Variants in UBE4B observed in about 807,000 individuals in gnomAD.
UBE4B encodes ubiquitin conjugation factor E4 B.
In UBE4B, 27 loss-of-function variants were observed where a neutral mutation model predicts 148.1. The ratio of observed to expected loss-of-function variants is 0.18; its 90% CI spans 0.13 to 0.25. The LOEUF (loss-of-function observed/expected upper bound fraction) is 0.25, where lower values mean the gene tolerates loss of function less well. UBE4B is among the 10% of genes least tolerant of loss of function. The pLI, the probability that UBE4B is intolerant of heterozygous loss-of-function variation, is 1.00. For missense variants in UBE4B, 1,170 were observed against 1,662.4 expected, an observed-to-expected ratio of 0.70 and a Z score of 5.15; for synonymous variants, 596 against 619.3, an observed-to-expected ratio of 0.96 and a Z score of 0.56.
intron 17 of UBE4B, 130 bp from the exon 18 acceptor site, chr1:10,144,810 A>C: frequency 1.7e-6 from 1 of 591,156 alleles, no homozygotes; most frequent in Non-Finnish European, 3.0e-6. Flanking sequence ...TGTAAGATAT[A>C]CTCTGATTTT....
intron 15 of UBE4B, 66 bp from the exon 16 acceptor site, chr1:10,134,922 G>A: frequency 7.1e-7 from 1 of 1,402,362 alleles, no homozygotes; most frequent in Admixed American, 1.9e-5. Context: ...GCAACAGAGT[G>A]AGACCCCATC....
intron 1 of UBE4B, among the ~76,000 whole-genome samples, chr1:10,057,934 A>G (rs1306177396): frequency 6.6e-6 from 1 of 152,082 alleles, no homozygotes; most frequent in Non-Finnish European, 1.5e-5. Flanking sequence ...GTATGTAGGT[A>G]AAGAGAGGAG....
chr1:10,085,930 C>T (rs904683490), intron 2 of UBE4B, among the ~76,000 whole-genome samples: 11 of 152,126 alleles, frequency 7.2e-5, no homozygotes, highest in Admixed American at 3.3e-4. Flanking sequence ...GCTGGGATTA[C>T]AGGCACCCAC....
At chr1:10,157,126 T>A (rs1356160392) in intron 21 of UBE4B, among the ~76,000 whole-genome samples, 1 of 152,198 alleles carries the variant, frequency 6.6e-6, no homozygotes, top group East Asian at 1.9e-4. Context: ...GCAATTCTCC[T>A]GCTTCAGCCT....
intron 1 of UBE4B, among the ~76,000 whole-genome samples, chr1:10,036,439 G>C (rs1342629929): frequency 6.6e-6 from 1 of 151,788 alleles, no homozygotes; most frequent in African/African-American, 2.4e-5. Context: ...TTCAATAACT[G>C]TTAATTTTAC....
intron 12 of UBE4B, among the ~76,000 whole-genome samples, chr1:10,130,255 A>T (rs1427892643): frequency 6.6e-6 from 1 of 151,814 alleles, no homozygotes; most frequent in Non-Finnish European, 1.5e-5. Flanking sequence ...TTGTATTTTT[A>T]GTAGAGACGG....
At chr1:10,067,390 T>C (rs1435732681) in intron 1 of UBE4B, among the ~76,000 whole-genome samples, 1 of 152,128 alleles carries the variant, frequency 6.6e-6, no homozygotes, top group Admixed American at 6.6e-5. Context: ...CTTTTTTTTT[T>C]CTCTGTGAGA....
At chr1:10,173,110 T>A (rs1646361644) in intron 25 of UBE4B, among the ~76,000 whole-genome samples, 1 of 152,196 alleles carries the variant, frequency 6.6e-6, no homozygotes, top group African/African-American at 2.4e-5. Context: ...TGACTGTGTG[T>A]CTAAAGCAGT....
chr1:10,041,508 T>G (rs1643762673), intron 1 of UBE4B, among the ~76,000 whole-genome samples: 1 of 151,596 alleles, frequency 6.6e-6, no homozygotes, highest in South Asian at 2.1e-4. Context: ...CTAATTTTTG[T>G]ATTTTTAGTA....
chr1:10,137,932 T>C (rs968146408), intron 17 of UBE4B, among the ~76,000 whole-genome samples: 1,912 of 123,430 alleles, frequency 0.015, 30 homozygotes, highest in Non-Finnish European at 0.026. Context: ...TTTTTTTTTT[T>C]TTTTTTTTTT....
chr1:10,174,880 G>A (rs572932904), intron 25 of UBE4B, among the ~76,000 whole-genome samples: 34 of 152,170 alleles, frequency 2.2e-4, no homozygotes, highest in Middle Eastern at 3.4e-3. Flanking sequence ...ATGGATGGTT[G>A]GCAAGCACTG....
intron 1 of UBE4B, among the ~76,000 whole-genome samples, chr1:10,042,757 G>A (rs1643820110): frequency 6.6e-6 from 1 of 152,190 alleles, no homozygotes; most frequent in African/African-American, 2.4e-5. Flanking sequence ...TATTTCTGTG[G>A]CCTACAGGTA....
intron 1 of UBE4B, among the ~76,000 whole-genome samples, chr1:10,066,040 C>A (rs1233626795): frequency 6.9e-6 from 1 of 144,010 alleles, no homozygotes; most frequent in African/African-American, 2.6e-5. Flanking sequence ...TCCCTCCCCC[C>A]CTCCTTCCCT....
intron 5 of UBE4B, among the ~76,000 whole-genome samples, chr1:10,103,355 G>C (rs1371310803): frequency 6.6e-6 from 1 of 151,624 alleles, no homozygotes; most frequent in African/African-American, 2.4e-5. Flanking sequence ...CAGGGTTGAA[G>C]TTTTTCTCTT....
intron 18 of UBE4B, among the ~76,000 whole-genome samples, chr1:10,146,490 T>C (rs1217308361): frequency 6.6e-6 from 1 of 152,146 alleles, no homozygotes; most frequent in African/African-American, 2.4e-5. Flanking sequence ...TGCTTAAATG[T>C]ATACATCAGT....
chr1:10,141,572 A>G (rs1418856228), intron 17 of UBE4B, among the ~76,000 whole-genome samples: 1 of 152,176 alleles, frequency 6.6e-6, no homozygotes, highest in African/African-American at 2.4e-5. Flanking sequence ...AGCAATAGAA[A>G]ACTAGCATAA....
intron 1 of UBE4B, chr1:10,059,303 G>A (rs142379873): frequency 1.0e-3 from 158 of 155,810 alleles, no homozygotes; most frequent in Middle Eastern, 3.3e-3. Flanking sequence ...AGCAACAGCA[G>A]CAAGGATTGC....
intron 2 of UBE4B, among the ~76,000 whole-genome samples, chr1:10,094,100 A>C (rs1644892308): frequency 6.6e-6 from 1 of 152,152 alleles, no homozygotes; most frequent in African/African-American, 2.4e-5. Context: ...TTTCATAGGA[A>C]GATATTCATA....
chr1:10,041,410 C>CTT (rs2101772680), intron 1 of UBE4B, among the ~76,000 whole-genome samples: 1 of 150,920 alleles, frequency 6.6e-6, no homozygotes, highest in Non-Finnish European at 1.5e-5. Flanking sequence ...TCTCGGCTCA[C>CTT]TGCAACCTCT....
Sources: gnomAD v4.1 joint callset for allele counts (sites outside exome capture counted in the v4.1 genomes callset) on GRCh38, gnomAD v4.1.1 for gene constraint, MANE v1.5 for transcripts, NCBI Gene and HGNC (gene_info 2026-07-23, HGNC 2026-07-21) for gene names.